SORCS2: variants seen among roughly 807,000 people sequenced by gnomAD.
The protein encoded by SORCS2 is sortilin related VPS10 domain containing receptor 2.
In SORCS2, 100 loss-of-function variants were observed where a neutral mutation model predicts 141.6. The ratio of observed to expected loss-of-function variants is 0.71; its 90% CI spans 0.60 to 0.83. The LOEUF (loss-of-function observed/expected upper bound fraction) is 0.83, where lower values mean the gene tolerates loss of function less well. Among genes scored for constraint, SORCS2 ranks in the 40% least tolerant of loss-of-function variants. The pLI is 0.00. For synonymous variants in SORCS2, 789 were observed against 676.9 expected, an observed-to-expected ratio of 1.17 and a Z score of -2.57; for missense variants, 1,646 against 1,560.2, an observed-to-expected ratio of 1.05 and a Z score of -0.93.
At chr4:7,717,959 C>T in intron 17 of SORCS2, 53 bp from the exon 18 acceptor site, 2 of 1,510,142 alleles carry the variant, frequency 1.3e-6, no homozygotes, top group Non-Finnish European at 1.8e-6. Context: ...CTATGGGGCC[C>T]CATCCCTTGC....
chr4:7,541,765 G>T (rs1211526939), intron 3 of SORCS2, among the ~76,000 whole-genome samples: 1 of 152,230 alleles, frequency 6.6e-6, no homozygotes, highest in African/African-American at 2.4e-5. Context: ...TCCACACGGA[G>T]CCCTAGTTTC....
chr4:7,578,395 G>A (rs1344993180), intron 3 of SORCS2, among the ~76,000 whole-genome samples: 2 of 152,206 alleles, frequency 1.3e-5, no homozygotes, highest in Middle Eastern at 3.2e-3. Context: ...GGTGAAGTCA[G>A]GTGGGCAAAT....
At chr4:7,667,331 C>A in intron 8 of SORCS2, 118 bp downstream of exon 8, 1 of 890,140 alleles carries the variant, frequency 1.1e-6, no homozygotes, top group Non-Finnish European at 1.8e-6. Context: ...TGGACAAGAA[C>A]AGTGTGGCCA....
chr4:7,543,899 TCCATCCACCCATCCAC>T (rs1560373696), intron 3 of SORCS2, among the ~76,000 whole-genome samples: 2 of 17,820 alleles, frequency 1.1e-4, no homozygotes, highest in African/African-American at 6.4e-4. Flanking sequence ...CACCCATCCA[TCCATCCACCCATCCAC>T]CCATCCACCC....
At chr4:7,346,230 G>C (rs1335206288) in intron 1 of SORCS2, among the ~76,000 whole-genome samples, 1 of 152,176 alleles carries the variant, frequency 6.6e-6, no homozygotes. Flanking sequence ...GCTGCATTAT[G>C]ATATGTTGTG....
intron 4 of SORCS2, among the ~76,000 whole-genome samples, chr4:7,650,444 A>G (rs1005699142): frequency 1.3e-5 from 2 of 152,166 alleles, no homozygotes; most frequent in Non-Finnish European, 2.9e-5. Context: ...GGGAGGCCAG[A>G]TTCCCATTTT....
chr4:7,389,767 G>A (rs1036259834), intron 1 of SORCS2, among the ~76,000 whole-genome samples: 84 of 152,206 alleles, frequency 5.5e-4, no homozygotes, highest in African/African-American at 1.8e-3. Flanking sequence ...AAATGCCTGC[G>A]GGGTGGGTGA....
At chr4:7,655,650 G>T (rs1237632534) in intron 5 of SORCS2, among the ~76,000 whole-genome samples, 1 of 152,214 alleles carries the variant, frequency 6.6e-6, no homozygotes, top group Admixed American at 6.5e-5. Context: ...CCACGGGAGG[G>T]CCCGGTTCCT....
intron 1 of SORCS2, among the ~76,000 whole-genome samples, chr4:7,238,976 G>C (rs1712490915): frequency 6.6e-6 from 1 of 152,230 alleles, no homozygotes; most frequent in Admixed American, 6.5e-5. Context: ...TGCCCCAGCA[G>C]CTCCACCACT....
chr4:7,634,210 C>T (rs1335526313), intron 3 of SORCS2, among the ~76,000 whole-genome samples: 1 of 152,122 alleles, frequency 6.6e-6, no homozygotes, highest in Non-Finnish European at 1.5e-5. Flanking sequence ...CCCATCTCTA[C>T]TAAAAATACA....
At chr4:7,677,218 C>G (rs1445644604) in intron 9 of SORCS2, among the ~76,000 whole-genome samples, 2 of 152,188 alleles carry the variant, frequency 1.3e-5, no homozygotes, top group Admixed American at 6.5e-5. Flanking sequence ...CCCCCTCGGC[C>G]TCCCGCGTGA....
At chr4:7,314,829 T>TTTTG (rs1560185676) in intron 1 of SORCS2, among the ~76,000 whole-genome samples, 24 of 116,580 alleles carry the variant, frequency 2.1e-4, no homozygotes, top group African/African-American at 8.5e-4. Flanking sequence ...TTTTTTTTTT[T>TTTTG]ATTGTTGTTG....
chr4:7,409,425 C>T (rs1378388157), intron 2 of SORCS2, among the ~76,000 whole-genome samples: 1 of 152,212 alleles, frequency 6.6e-6, no homozygotes, highest in Non-Finnish European at 1.5e-5. Context: ...GCTGAACAGA[C>T]ACTCTGATTT....
At chr4:7,347,312 A>G (rs1011607151) in intron 1 of SORCS2, among the ~76,000 whole-genome samples, 1 of 152,202 alleles carries the variant, frequency 6.6e-6, no homozygotes, top group African/African-American at 2.4e-5. Flanking sequence ...TTTCTCTGCA[A>G]GCATTCTCCT....
chr4:7,676,597 AC>A (rs1454841009), intron 9 of SORCS2, among the ~76,000 whole-genome samples: 5 of 150,956 alleles, frequency 3.3e-5, no homozygotes, highest in African/African-American at 9.8e-5. Context: ...GGCTGGGGTC[AC>A]CCCTGAGGGC....
At chr4:7,370,609 C>A (rs192775076) in intron 1 of SORCS2, among the ~76,000 whole-genome samples, 9 of 152,336 alleles carry the variant, frequency 5.9e-5, no homozygotes, top group African/African-American at 2.2e-4. Context: ...AGAGAAATAA[C>A]GTTGCCCATC....
intron 2 of SORCS2, among the ~76,000 whole-genome samples, chr4:7,413,391 C>CTTTGTTTTTTTT (rs1725451191): frequency 1.2e-5 from 1 of 84,836 alleles, no homozygotes; most frequent in Non-Finnish European, 2.2e-5. Context: ...TTCACAGCTG[C>CTTTGTTTTTTTT]TTTTTTTTTT....
chr4:7,355,260 A>C (rs551609460), intron 1 of SORCS2, among the ~76,000 whole-genome samples: 1 of 152,080 alleles, frequency 6.6e-6, no homozygotes, highest in Non-Finnish European at 1.5e-5. Context: ...ATTTTAGCCT[A>C]ACCCCTCTGT....
At chr4:7,717,778 C>T (rs989992482) in intron 17 of SORCS2, among the ~76,000 whole-genome samples, 4 of 152,230 alleles carry the variant, frequency 2.6e-5, no homozygotes, top group African/African-American at 9.6e-5. Flanking sequence ...CTCCGAAGCA[C>T]ATCCTGCCAC....
Sources: allele counts gnomAD v4.1 joint callset (sites outside exome capture counted in the v4.1 genomes callset), GRCh38; gene constraint gnomAD v4.1.1; transcripts MANE v1.5; gene names NCBI Gene and HGNC (gene_info 2026-07-23, HGNC 2026-07-21).